PEX7: variants seen among roughly 807,000 people sequenced by gnomAD.
The protein encoded by PEX7 is PTS2 receptor.
Under a neutral mutation model 47.5 loss-of-function variants are expected in PEX7, and 34 were observed. The ratio of observed to expected loss-of-function variants is 0.72; its 90% CI spans 0.54 to 0.95. PEX7 has a LOEUF of 0.95. PEX7 is among the 40% of genes least tolerant of loss of function. The pLI, the probability that PEX7 is intolerant of heterozygous loss-of-function variation, is 0.00. For missense variants in PEX7, 394 were observed against 400.3 expected, an observed-to-expected ratio of 0.98 and a Z score of 0.13; for synonymous variants, 141 against 148.8, an observed-to-expected ratio of 0.95 and a Z score of 0.38.
At position 136,900,040 on chromosome 6, in the gene PEX7, C is replaced by T. The variant is rs963165950; in HGVS notation, c.903+1799C>T. The stretch of plus-strand genomic sequence containing the variant: ...TCCTTATATATTTCTATTACCTGTC[C>T]TCTGTGAGCCCAGACTAGAACCTGT... On this transcript the variant is annotated intron_variant, in intron 9 of 9. Transcript: ENST00000318471. The surrounding 1 kb of genome is among the most constrained non-coding windows in gnomAD (Gnocchi z 4.2). Among the ~76,000 whole-genome samples, 2 of 152,192 alleles carry T rather than the reference C, an allele frequency of 1.3e-5. No homozygotes were observed. Among genetic ancestry groups the T allele is most frequent in the South Asian group, 2.1e-4 (1 of 4,826 alleles).
In PEX7 at chr6:136,894,023, G is replaced by A. The variant is rs149505193; in HGVS notation, c.804-4119G>A. Among the ~76,000 whole-genome samples, 451 of 152,272 alleles carry A rather than the reference G, an allele frequency of 3.0e-3. 1 individual carries two copies. The East Asian group carries it at 0.03, about 10-fold the overall frequency. On this transcript the variant is annotated intron_variant, in intron 8 of 9. Coordinates refer to ENST00000318471, the MANE Select transcript of PEX7 (RefSeq NM_000288.4). ...GCTTAATTGTTGAAATGATTTTGAC[G>A]TTGTATTTAATACAGACTATGATGA...
chr6:136,913,768 GTAT>G lies in PEX7; in HGVS notation c.*243_*245del. 1 of 467,372 alleles carries G rather than the reference GTAT, an allele frequency of 2.1e-6. No individual in the cohort carries two copies. The highest frequency in any genetic ancestry group is 3.7e-6 in the Non-Finnish European group (1 of 266,710). The allele number at this position is 467,372 out of a possible 1,614,324, so 29.0% of individuals were successfully genotyped here. A position where few individuals can be genotyped will look rare whatever the true frequency, so the allele number is the denominator to read the frequency against. Reference sequence around the variant, plus strand: ...AATTAATGTTATGATATATCTTGTAGTATCTATTAAAATGTCTCTGGGTCATAA... The same window carrying G: ...AATTAATGTTATGATATATCTTGTAGCTATTAAAATGTCTCTGGGTCATAA... On this transcript the variant is annotated 3_prime_UTR_variant, in exon 10 of 10. Coordinates refer to ENST00000318471, the MANE Select transcript of PEX7 (RefSeq NM_000288.4).
chr6:136,865,598 T>C (rs1340956151), intron 5 of PEX7, among the ~76,000 whole-genome samples: 1 of 152,172 alleles, frequency 6.6e-6, no homozygotes, highest in Non-Finnish European at 1.5e-5. Context: ...CACGCCTGGC[T>C]AAAACTCCAT....
chr6:136,894,817 T>G (rs1441180324), intron 8 of PEX7, among the ~76,000 whole-genome samples: 3 of 152,230 alleles, frequency 2.0e-5, no homozygotes, highest in African/African-American at 7.2e-5. Flanking sequence ...GATTAAATAG[T>G]CAGTGATTTC....
rs796831243 is a variant in PEX7, at chr6:136,865,568, G to A, written c.527-1059G>A. Among the ~76,000 whole-genome samples the A allele has an allele frequency of 6.6e-5, 10 of 152,102 alleles. 1 individual carries two copies. Among genetic ancestry groups the A allele is most frequent in the African/African-American group, 1.9e-4 (8 of 41,506 alleles). ...CCCACCTTGGCCTCCCGAAGGGTAG[G>A]GATTACAGGCGTGAGCCACCACGCC... On this transcript the variant is annotated intron_variant, in intron 5 of 9. Transcript: ENST00000318471.
intron 1 of PEX7, chr6:136,823,000 C>A (rs186986159): frequency 1.0e-6 from 1 of 985,474 alleles, no homozygotes; most frequent in East Asian, 1.1e-4. Flanking sequence ...AGTCGATCTT[C>A]CAGTTGTGTG....
At chr6:136,886,114 G>T (rs910325223) in intron 8 of PEX7, among the ~76,000 whole-genome samples, 4 of 152,190 alleles carry the variant, frequency 2.6e-5, no homozygotes, top group Non-Finnish European at 2.9e-5. Context: ...CAAGAGTGAG[G>T]TAATTTTATT....
chr6:136,822,600 C>A lies in PEX7; in HGVS notation c.-66C>A. ...GTCTGCCTGGTCTCTCTAACCGCGC[C>A]AGTGTGCCTCCGACTCGGAACGGCT... On this transcript the variant is annotated 5_prime_UTR_variant, in exon 1 of 10. Coordinates refer to ENST00000318471, the MANE Select transcript of PEX7 (RefSeq NM_000288.4). The A allele has an allele frequency of 7.0e-7, 1 of 1,420,678 alleles. No individual in the cohort carries two copies. The highest frequency in any genetic ancestry group is 9.6e-7 in the Non-Finnish European group (1 of 1,046,936). 88.0% of individuals were successfully genotyped at this position (1,420,678 alleles called of 1,614,324 possible). A position where few individuals can be genotyped will look rare whatever the true frequency, so the allele number is the denominator to read the frequency against.
chr6:136,846,921 T>A (rs1473371763), intron 5 of PEX7, among the ~76,000 whole-genome samples: 1 of 152,206 alleles, frequency 6.6e-6, no homozygotes, highest in Non-Finnish European at 1.5e-5. Flanking sequence ...CGCCACACTG[T>A]CTTCCACAAT....
rs549449689 is a variant in PEX7, at chr6:136,826,230, GA to G, written c.189-81del. On this transcript the variant is annotated intron_variant, in intron 2 of 9. Transcript: ENST00000318471. ...TGTTAAAATGTGTGATAAATTGAAA[GA>G]AAAAAAACCATAATTGTTATTTTTT... 280 of 1,427,722 alleles carry G rather than the reference GA, an allele frequency of 2.0e-4. 2 individuals are homozygous for G. Among genetic ancestry groups the G allele is most frequent in the Admixed American group, 3.2e-4 (19 of 59,520 alleles). The allele number at this position is 1,427,722 out of a possible 1,614,324, so 88.4% of individuals were successfully genotyped here.
Position 136,908,105 on chromosome 6 carries a change from A to G in PEX7, c.904-5353A>G, listed in dbSNP as rs150347201. The stretch of plus-strand genomic sequence containing the variant: ...CATGTATGAAGATGTCTTAATGTAT[A>G]TGCCATACATACCTCTGTTTAGAAA... On this transcript the variant is annotated intron_variant, in intron 9 of 9. Coordinates refer to ENST00000318471, the MANE Select transcript of PEX7 (RefSeq NM_000288.4). Among the ~76,000 whole-genome samples the G allele has an allele frequency of 2.4e-4, 37 of 152,316 alleles. No individual in the cohort carries two copies. In the East Asian group the frequency reaches 6.2e-3, roughly 25 times the overall value.
At chr6:136,862,015 G>A (rs1278464749) in intron 5 of PEX7, among the ~76,000 whole-genome samples, 3 of 137,492 alleles carry the variant, frequency 2.2e-5, no homozygotes, top group Non-Finnish European at 4.8e-5. Context: ...TATTTTTTCT[G>A]TATTTATATA....
chr6:136,823,890 CA>C (rs954393146), intron 1 of PEX7, among the ~76,000 whole-genome samples: 1 of 151,822 alleles, frequency 6.6e-6, no homozygotes, highest in African/African-American at 2.4e-5. Flanking sequence ...AACTCCGTCT[CA>C]AAAAAAAGAG....
At chr6:136,848,740 GA>G (rs1217895733) in intron 5 of PEX7, among the ~76,000 whole-genome samples, 1 of 152,194 alleles carries the variant, frequency 6.6e-6, no homozygotes. Flanking sequence ...TGTGCTGCTA[GA>G]TTCAGTTTGC....
chr6:136,822,606 GCCT>G lies in PEX7; in HGVS notation c.-57_-55del. ...CTGGTCTCTCTAACCGCGCCAGTGT[GCCT>G]CCGACTCGGAACGGCTTCCGCGGCC... is the stretch of plus-strand genomic sequence containing the variant. On this transcript the variant is annotated 5_prime_UTR_variant, in exon 1 of 10. Transcript: ENST00000318471. The G allele has an allele frequency of 6.9e-7, 1 of 1,456,238 alleles. No homozygotes were observed. The highest frequency in any genetic ancestry group is 9.3e-7 in the Non-Finnish European group (1 of 1,078,902). 90.2% of individuals were successfully genotyped at this position (1,456,238 alleles called of 1,614,324 possible).
chr6:136,880,022 C>T (rs1775349319), intron 8 of PEX7, among the ~76,000 whole-genome samples: 1 of 151,884 alleles, frequency 6.6e-6, no homozygotes, highest in Non-Finnish European at 1.5e-5. Flanking sequence ...TTTTGAGTTC[C>T]TGATCAAGGG....
intron 8 of PEX7, among the ~76,000 whole-genome samples, chr6:136,891,650 C>G (rs774537610): frequency 2.0e-5 from 3 of 149,048 alleles, no homozygotes; most frequent in Non-Finnish European, 4.4e-5. Flanking sequence ...GTTCAACAGC[C>G]CTTTTTTTTT....
At chr6:136,839,109 A>C (rs1253643990) in intron 3 of PEX7, among the ~76,000 whole-genome samples, 2 of 152,076 alleles carry the variant, frequency 1.3e-5, no homozygotes, top group African/African-American at 4.8e-5. Context: ...TGAGCCCAGA[A>C]GGTGGAGGCT....
intron 3 of PEX7, among the ~76,000 whole-genome samples, chr6:136,831,536 A>G (rs139661284): frequency 6.6e-4 from 101 of 152,350 alleles, no homozygotes; most frequent in African/African-American, 2.3e-3. Context: ...CAGTCCCCCA[A>G]AGTCTTAACT....
Sources: allele counts gnomAD v4.1 joint callset (sites outside exome capture counted in the v4.1 genomes callset), GRCh38; gene constraint gnomAD v4.1.1; non-coding constraint Gnocchi (gnomAD v3.1); transcripts MANE v1.5; gene names NCBI Gene and HGNC (gene_info 2026-07-23, HGNC 2026-07-21).